The following CSMD2 variants were observed in gnomAD, a reference collection of about 807,000 sequenced individuals.
CSMD2 encodes CUB and Sushi multiple domains 2.
A neutral mutation model predicts 398.5 loss-of-function variants in CSMD2; 130 were observed. The observed-to-expected ratio is 0.33, with a 90% CI of 0.28 to 0.38. The LOEUF (loss-of-function observed/expected upper bound fraction) is 0.38. CSMD2 is among the 10% of genes least tolerant of loss of function. The pLI, the probability that CSMD2 is intolerant of heterozygous loss-of-function variation, is 1.00. For synonymous variants in CSMD2, 1,828 were observed against 1,908.5 expected (o/e 0.96, Z 1.10); for missense variants, 3,829 against 4,764.9 (o/e 0.80, Z 5.78).
chr1:34,046,837 T>C (rs1366136348), intron 2 of CSMD2, among the ~76,000 whole-genome samples: 1 of 152,182 alleles, frequency 6.6e-6, no homozygotes, highest in Non-Finnish European at 1.5e-5. Context: ...TCGAGGGATT[T>C]ACCCTCAAAC....
chr1:34,075,622 G>T (rs10799022), intron 2 of CSMD2, among the ~76,000 whole-genome samples: 41,037 of 152,112 alleles, frequency 0.27, 5,943 homozygotes, highest in Admixed American at 0.36. Context: ...GAGATGCTTA[G>T]CTGTGCTTAA....
chr1:33,564,532 G>C (rs527283387), intron 53 of CSMD2, among the ~76,000 whole-genome samples: 78 of 152,286 alleles, frequency 5.1e-4, no homozygotes, highest in Admixed American at 1.5e-3. Context: ...GTTTTATTTA[G>C]ACACATCTGA....
intron 3 of CSMD2, among the ~76,000 whole-genome samples, chr1:33,942,291 G>C (rs1226589477): frequency 1.3e-5 from 2 of 152,206 alleles, no homozygotes; most frequent in African/African-American, 4.8e-5. Flanking sequence ...CCATTCCACA[G>C]GAAGTCCATA....
At chr1:33,654,032 A>G (rs1259677079) in intron 27 of CSMD2, among the ~76,000 whole-genome samples, 1 of 152,162 alleles carries the variant, frequency 6.6e-6, no homozygotes, top group East Asian at 1.9e-4. Flanking sequence ...GGCTGGGTCA[A>G]TCCCTAACAG....
intron 5 of CSMD2, chr1:33,862,921 T>C (rs1191180667): frequency 2.6e-5 from 4 of 152,176 alleles, no homozygotes; most frequent in Non-Finnish European, 4.4e-5. Flanking sequence ...ATTCAAAATA[T>C]GGTCTAGTCT....
chr1:34,043,926 T>C (rs1301486110), intron 2 of CSMD2, among the ~76,000 whole-genome samples: 2 of 152,236 alleles, frequency 1.3e-5, no homozygotes, highest in Non-Finnish European at 2.9e-5. Flanking sequence ...TCATATGTGT[T>C]GTCACAATTA....
chr1:34,069,281 C>G (rs1160784285), intron 2 of CSMD2, among the ~76,000 whole-genome samples: 3 of 152,182 alleles, frequency 2.0e-5, no homozygotes, highest in African/African-American at 7.2e-5. Context: ...AAGCAGTGTG[C>G]TGAGGTCTCT....
In CSMD2 at chr1:33,519,479, G is replaced by A. The variant is rs964519993; in HGVS notation, c.*39C>T. On this transcript the variant is annotated 3_prime_UTR_variant, in exon 70 of 71. Transcript: ENST00000373381. The surrounding 1 kb of genome is among the most constrained non-coding windows in gnomAD (Gnocchi z 5.6). Reference sequence around the variant, plus strand: ...CCCCTGCTCACCGGCTGCTGGAGGCGGGGCTCTCGGTGGCGGTGGTGGCGG... The same window carrying A: ...CCCCTGCTCACCGGCTGCTGGAGGCAGGGCTCTCGGTGGCGGTGGTGGCGG... The A allele has an allele frequency of 1.1e-5, 17 of 1,601,304 alleles. No homozygotes were observed. The highest frequency in any genetic ancestry group is 4.0e-5 in the African/African-American group (3 of 74,782).
intron 3 of CSMD2, among the ~76,000 whole-genome samples, chr1:34,023,807 T>A (rs1219664183): frequency 6.6e-6 from 1 of 151,952 alleles, no homozygotes; most frequent in Non-Finnish European, 1.5e-5. Flanking sequence ...GTCTGAGAGG[T>A]GTAGTTCCTT....
chr1:33,687,691 A>T (rs1395957881), intron 25 of CSMD2, among the ~76,000 whole-genome samples: 1 of 152,208 alleles, frequency 6.6e-6, no homozygotes, highest in African/African-American at 2.4e-5. Context: ...AAATAAAACA[A>T]AAAGTTTGAA....
chr1:34,044,522 A>G (rs1268656168), intron 2 of CSMD2, among the ~76,000 whole-genome samples: 3 of 151,604 alleles, frequency 2.0e-5, no homozygotes, highest in Non-Finnish European at 4.4e-5. Context: ...TTGCTACAAC[A>G]ATCATGAGGC....
chr1:33,601,941 A>G (rs1174434112), intron 43 of CSMD2, among the ~76,000 whole-genome samples: 2 of 152,248 alleles, frequency 1.3e-5, no homozygotes, highest in African/African-American at 4.8e-5. Flanking sequence ...GTTCTGCTGG[A>G]AAGTGCTGGC....
At chr1:33,774,348 G>C (rs565508747) in intron 12 of CSMD2, among the ~76,000 whole-genome samples, 1 of 152,250 alleles carries the variant, frequency 6.6e-6, no homozygotes, top group South Asian at 2.1e-4. Flanking sequence ...CTTTGCTCAG[G>C]CTCAGGGATG....
chr1:34,138,272 T>C (rs1170532048), intron 1 of CSMD2, among the ~76,000 whole-genome samples: 2 of 152,234 alleles, frequency 1.3e-5, no homozygotes, highest in Non-Finnish European at 2.9e-5. Flanking sequence ...TTTGGAACTG[T>C]ACGATTTCCT....
chr1:33,924,465 A>G (rs1035565281), intron 4 of CSMD2, among the ~76,000 whole-genome samples: 7 of 152,190 alleles, frequency 4.6e-5, no homozygotes, highest in East Asian at 1.9e-4. Flanking sequence ...TGTTGATTCC[A>G]TATCTTTGCT....
intron 42 of CSMD2, among the ~76,000 whole-genome samples, chr1:33,603,069 C>T (rs963512993): frequency 6.6e-6 from 1 of 152,072 alleles, no homozygotes; most frequent in African/African-American, 2.4e-5. Flanking sequence ...AGCAGATAGT[C>T]TTAGATAAGT....
chr1:33,677,619 A>T (rs1394834666), intron 25 of CSMD2, among the ~76,000 whole-genome samples: 2 of 152,184 alleles, frequency 1.3e-5, no homozygotes, highest in African/African-American at 4.8e-5. Context: ...TATATGCCCA[A>T]AGGATTATAA....
At chr1:33,775,342 C>T (rs502585) in intron 12 of CSMD2, among the ~76,000 whole-genome samples, 48,718 of 151,990 alleles carry the variant, frequency 0.32, 8,941 homozygotes, top group African/African-American at 0.5. Context: ...TGTTTTAACA[C>T]GGATATTTTG....
intron 5 of CSMD2, among the ~76,000 whole-genome samples, chr1:33,913,473 T>G (rs1643568160): frequency 6.6e-6 from 1 of 152,208 alleles, no homozygotes; most frequent in Non-Finnish European, 1.5e-5. Flanking sequence ...TCCATCTTAC[T>G]CTTTTCCTCT....
Sources: gnomAD v4.1 joint callset for allele counts (sites outside exome capture counted in the v4.1 genomes callset) on GRCh38, gnomAD v4.1.1 for gene constraint, Gnocchi (gnomAD v3.1) non-coding constraint, MANE v1.5 for transcripts, NCBI Gene and HGNC (gene_info 2026-07-23, HGNC 2026-07-21) for gene names.